The following ADAMTS14 variants were observed in gnomAD, a reference collection of about 807,000 sequenced individuals.
ADAMTS14 encodes A disintegrin and metalloproteinase with thrombospondin motifs 14.
Under a neutral mutation model 128.6 loss-of-function variants are expected in ADAMTS14, and 100 were observed. That is an observed-to-expected ratio of 0.78 (90% CI 0.66 to 0.92). The LOEUF (loss-of-function observed/expected upper bound fraction) is 0.92. Among genes scored for constraint, ADAMTS14 ranks in the 40% least tolerant of loss-of-function variants. The pLI, the probability that ADAMTS14 is intolerant of heterozygous loss-of-function variation, is 0.00. For missense variants in ADAMTS14, 1,562 were observed against 1,658.6 expected (o/e 0.94, Z 1.01); for synonymous variants, 665 against 653.8 (o/e 1.02, Z -0.26).
Position 70,743,657 on chromosome 10 carries a change from C to T in ADAMTS14, c.2034C>T (p.Ser678=), listed in dbSNP as rs1370035502. 2.7e-5 allele frequency: 44 copies of T among 1,604,632 alleles called. No individual in the cohort carries two copies. Among genetic ancestry groups the T allele is most frequent in the Non-Finnish European group, 3.2e-5 (38 of 1,175,496 alleles). Residue 678 remains serine (S), a synonymous_variant, in exon 13 of 22, where the codon AGC becomes AGT. Transcript: ENST00000373207. ...GCTGCAGCTACCGGGACCCATACAG[C>T]GTCTGTGCGCGTGGCGAGTGTGTGG... ...GTRCSYRDPY[S]VCARGECVPV...
At chr10:70,720,394 T>G (rs1841217624) in intron 4 of ADAMTS14, among the ~76,000 whole-genome samples, 1 of 152,210 alleles carries the variant, frequency 6.6e-6, no homozygotes, top group East Asian at 1.9e-4. Context: ...ACTAGTGACC[T>G]CGGAGGCAGG....
intron 4 of ADAMTS14, among the ~76,000 whole-genome samples, chr10:70,711,746 C>G (rs1449846704): frequency 6.6e-6 from 1 of 151,900 alleles, no homozygotes; most frequent in Non-Finnish European, 1.5e-5. Context: ...ACACACAGCA[C>G]AGGGTCTGAG....
At chr10:70,755,313 C>CAAAA (rs33982477) in intron 19 of ADAMTS14, among the ~76,000 whole-genome samples, 3 of 118,232 alleles carry the variant, frequency 2.5e-5, no homozygotes, top group Admixed American at 8.7e-5. Flanking sequence ...GCTTGTCTCA[C>CAAAA]AAAAAAAAAA....
chr10:70,729,435 G>A, intron 5 of ADAMTS14, 58 bp downstream of exon 5: 2 of 1,422,192 alleles, frequency 1.4e-6, no homozygotes, highest in South Asian at 1.1e-5. Flanking sequence ...GGGCCAGAGT[G>A]TTGGACCAGC....
Position 70,732,250 on chromosome 10 carries a change from G to C in ADAMTS14, c.1103-4G>C, listed in dbSNP as rs1363106951. ...TCTCCACCTTTTCTTTCTCTCTTCG[G>C]CAGGGTATGCACCCGTCACTGGCAT... is the stretch of plus-strand genomic sequence containing the variant. On this transcript the variant is annotated splice_polypyrimidine_tract_variant and splice_region_variant and intron_variant, in intron 6 of 21. Transcript: ENST00000373207. 6 of 1,613,590 alleles carry C rather than the reference G, an allele frequency of 3.7e-6. No individual in the cohort carries two copies. The highest frequency in any genetic ancestry group is 1.3e-5 in the African/African-American group (1 of 75,034).
At chr10:70,702,203 A>C in intron 2 of ADAMTS14, 109 bp from the exon 3 acceptor site, 3 of 1,482,734 alleles carry the variant, frequency 2.0e-6, no homozygotes, top group Non-Finnish European at 2.7e-6. Flanking sequence ...AAGAGCCTGC[A>C]AGCATGTAGG....
chr10:70,689,767 C>T (rs920159335), intron 2 of ADAMTS14, among the ~76,000 whole-genome samples: 1 of 145,424 alleles, frequency 6.9e-6, no homozygotes, highest in Non-Finnish European at 1.6e-5. Context: ...GCATTCCTCC[C>T]AGAGAAGCCA....
At chr10:70,731,876 C>G (rs988616534) in intron 6 of ADAMTS14, among the ~76,000 whole-genome samples, 8 of 152,152 alleles carry the variant, frequency 5.3e-5, no homozygotes, top group African/African-American at 1.9e-4. Flanking sequence ...CTGTTTTCCC[C>G]CTGGTACCTA....
intron 15 of ADAMTS14, among the ~76,000 whole-genome samples, chr10:70,747,623 C>G (rs761436694): frequency 6.6e-6 from 1 of 152,192 alleles, no homozygotes; most frequent in Non-Finnish European, 1.5e-5. Flanking sequence ...TCTTCGATCC[C>G]CAGGGAAGAA....
intron 18 of ADAMTS14, 76 bp from the exon 19 acceptor site, chr10:70,753,724 G>A: frequency 1.4e-6 from 2 of 1,420,768 alleles, no homozygotes; most frequent in East Asian, 2.5e-5. Flanking sequence ...GCCTGCAGCT[G>A]TCTGGGGATA....
chr10:70,730,449 C>T (rs900122156), intron 6 of ADAMTS14, among the ~76,000 whole-genome samples, 200 bp downstream of exon 6: 3 of 152,142 alleles, frequency 2.0e-5, no homozygotes, highest in Non-Finnish European at 4.4e-5. Flanking sequence ...CTCTTGTCCC[C>T]GATATTTTGG....
Position 70,674,691 on chromosome 10 carries a change from C to T in ADAMTS14, c.218C>T (p.Pro73Leu). The T allele has an allele frequency of 1.2e-6, 2 of 1,613,566 alleles. No homozygotes were observed. The highest frequency in any genetic ancestry group is 1.7e-6 in the Non-Finnish European group (2 of 1,180,044). ...GCAGGGAGCATGGTAGTGGACACGC[C>T]ACCCACACTACCACGACACTCCAGT... ...ASAGSMVVDT[P>L]PTLPRHSSHL... Residue 73 changes from proline (P) to leucine (L), a missense_variant, in exon 2 of 22, where the codon CCA becomes CTA. Physicochemically the swap from Pro to Leu is moderately conservative, Grantham distance 98 (BLOSUM62 -3). Transcript: ENST00000373207.
intron 2 of ADAMTS14, among the ~76,000 whole-genome samples, chr10:70,689,646 G>A (rs1033317540): frequency 6.9e-6 from 1 of 145,724 alleles, no homozygotes; most frequent in Non-Finnish European, 1.6e-5. Flanking sequence ...GCCACCTCCT[G>A]TCTCTCCCAG....
chr10:70,697,393 A>G (rs1840360688), intron 2 of ADAMTS14, among the ~76,000 whole-genome samples: 1 of 152,194 alleles, frequency 6.6e-6, no homozygotes, highest in Non-Finnish European at 1.5e-5. Flanking sequence ...ACCCCAGGCC[A>G]GGTCCTTGCT....
chr10:70,704,550 C>G (rs1840595949), intron 3 of ADAMTS14, among the ~76,000 whole-genome samples: 1 of 151,198 alleles, frequency 6.6e-6, no homozygotes, highest in Non-Finnish European at 1.5e-5. Context: ...TAGACACACA[C>G]CATCTATACC....
At chr10:70,713,010 GA>G (rs1481023830) in intron 4 of ADAMTS14, among the ~76,000 whole-genome samples, 1 of 152,226 alleles carries the variant, frequency 6.6e-6, no homozygotes, top group Non-Finnish European at 1.5e-5. Context: ...CTGGGGTTAG[GA>G]GAGTGAGAGT....
At chr10:70,746,312 G>A (rs1842176167) in intron 15 of ADAMTS14, among the ~76,000 whole-genome samples, 1 of 152,174 alleles carries the variant, frequency 6.6e-6, no homozygotes, top group African/African-American at 2.4e-5. Flanking sequence ...TATGAGTGAT[G>A]TTTTGTTTCG....
intron 10 of ADAMTS14, among the ~76,000 whole-genome samples, chr10:70,737,869 G>A (rs967218333): frequency 6.6e-5 from 10 of 152,188 alleles, no homozygotes; most frequent in Admixed American, 4.6e-4. Flanking sequence ...AGATGAGCAC[G>A]GAGAATATTT....
intron 1 of ADAMTS14, among the ~76,000 whole-genome samples, chr10:70,673,202 C>G (rs1839535070): frequency 6.6e-6 from 1 of 152,070 alleles, no homozygotes; most frequent in Admixed American, 6.5e-5. Context: ...TTTCTCTGTC[C>G]TGTGTGTCTT....
Sources: allele counts gnomAD v4.1 joint callset (sites outside exome capture counted in the v4.1 genomes callset), GRCh38; gene constraint gnomAD v4.1.1; transcripts MANE v1.5; gene names NCBI Gene and HGNC (gene_info 2026-07-23, HGNC 2026-07-21).